Variants in NDUFAF7 observed in about 807,000 individuals in gnomAD.
NDUFAF7 encodes NADH:ubiquinone oxidoreductase complex assembly factor 7, also known as protein arginine methyltransferase NDUFAF7, mitochondrial.
NDUFAF7 carries 48 observed loss-of-function variants against 47.2 expected under a neutral mutation model. The ratio of observed to expected loss-of-function variants is 1.02; its 90% CI spans 0.81 to 1.29. The LOEUF (loss-of-function observed/expected upper bound fraction) is 1.29, where lower values mean the gene tolerates loss of function less well. Ranked by LOEUF, NDUFAF7 falls within the 50% of genes most tolerant of loss-of-function variation. The pLI is 0.00. For synonymous variants in NDUFAF7, 217 were observed against 190.0 expected, an observed-to-expected ratio of 1.14 and a Z score of -1.17; for missense variants, 635 against 537.6, an observed-to-expected ratio of 1.18 and a Z score of -1.79.
the NDUFAF7 span, chr2:37,269,646 A>T: frequency 6.4e-5 from 103 of 1,613,222 alleles, no homozygotes; most frequent in Non-Finnish European, 8.3e-5. Flanking sequence ...GGCCTGAACC[A>T]AGCACCTCAT....
chr2:37,270,366 A>AAC, the NDUFAF7 span, among the ~76,000 whole-genome samples: 29 of 151,758 alleles, frequency 1.9e-4, no homozygotes, highest in African/African-American at 6.8e-4. Context: ...AAAAAAAAAA[A>AAC]AACTCAAAAG....
the NDUFAF7 span, chr2:37,267,580 G>C: frequency 7.4e-7 from 1 of 1,351,812 alleles, no homozygotes; most frequent in South Asian, 1.2e-5. Flanking sequence ...CAAACTGACA[G>C]CTTTATTAGG....
At chr2:37,269,533 T>C in the NDUFAF7 span, 4 of 1,257,794 alleles carry the variant, frequency 3.2e-6, no homozygotes, top group African/African-American at 1.5e-5. Context: ...AACTATGAGA[T>C]GACAAAACAG....
chr2:37,257,671 GAAAAAAAAAAA>G (rs1164110574), downstream of NDUFAF7, among the ~76,000 whole-genome samples: 1 of 28,542 alleles, frequency 3.5e-5, no homozygotes, highest in South Asian at 1.1e-3. Context: ...TGTCTCAAAA[GAAAAAAAAAAA>G]AAAAAAAAAA....
At chr2:37,240,420 A>T (rs1465480175) in intron 4 of NDUFAF7, among the ~76,000 whole-genome samples, 1 of 151,752 alleles carries the variant, frequency 6.6e-6, no homozygotes, top group African/African-American at 2.4e-5. Context: ...AAACCAAAAA[A>T]CACCAACACA....
At chr2:37,259,566 T>G in the NDUFAF7 span, 2 of 1,583,334 alleles carry the variant, frequency 1.3e-6, no homozygotes, top group Non-Finnish European at 1.7e-6. Flanking sequence ...TTTAAAAGGT[T>G]CTGGAGAATA....
downstream of NDUFAF7, chr2:37,254,232 T>C (rs1330858981): frequency 6.2e-7 from 1 of 1,613,108 alleles, no homozygotes; most frequent in South Asian, 1.1e-5. Flanking sequence ...AAGAGATTTG[T>C]CAACACTGTA....
At chr2:37,254,170 A>G, downstream of NDUFAF7, 2 of 1,485,342 alleles carry the variant, frequency 1.3e-6, no homozygotes, top group African/African-American at 1.4e-5. Context: ...TACTCAAATG[A>G]GGATTGCCAA....
downstream of NDUFAF7, chr2:37,253,407 G>C: frequency 1.4e-6 from 2 of 1,472,112 alleles, no homozygotes; most frequent in Non-Finnish European, 1.8e-6. Context: ...CTGTCAACCT[G>C]GTTTTTGTTT....
At chr2:37,257,041 A>AT, downstream of NDUFAF7, 1 of 1,141,894 alleles carries the variant, frequency 8.8e-7, no homozygotes, top group Non-Finnish European at 1.2e-6. Flanking sequence ...AGCTCTACTG[A>AT]TTATGAATAT....
At chr2:37,256,371 C>A (rs920983281), downstream of NDUFAF7, among the ~76,000 whole-genome samples, 1 of 152,054 alleles carries the variant, frequency 6.6e-6, no homozygotes, top group African/African-American at 2.4e-5. Flanking sequence ...TAGGAAGGAC[C>A]AGAAAAGAGT....
the NDUFAF7 span, chr2:37,269,342 T>C: frequency 5.0e-6 from 2 of 402,650 alleles, no homozygotes; most frequent in Non-Finnish European, 9.3e-6. Context: ...TCTCCCCCCC[T>C]GCCTCCGACA....
chr2:37,241,687 A>G lies in NDUFAF7; in HGVS notation c.518A>G (p.Lys173Arg). ...CAAGCATTGACACTGACTAAAGAGA[A>G]GGTCCCGTTAGAGCGAAATGCTGGA... ...EIQALTLTKEKVPLERNAGSP... is the reference protein window; with the variant it reads ...EIQALTLTKERVPLERNAGSP... The change falls in exon 5 of 10, where the codon AAG (lysine) becomes AGG (arginine). Residue 173 changes from lysine (K) to arginine (R), a missense_variant. By Grantham distance (26) the Lys-to-Arg change is conservative (BLOSUM62 2). Coordinates refer to ENST00000002125, the MANE Select transcript of NDUFAF7 (RefSeq NM_144736.5). 6.2e-7 allele frequency: 1 copy of G among 1,614,126 alleles called. No individual in the cohort carries two copies. Among genetic ancestry groups the G allele is most frequent in the African/African-American group, 1.3e-5 (1 of 75,050 alleles).
chr2:37,250,132 T>A (rs1667361257), downstream of NDUFAF7, among the ~76,000 whole-genome samples: 2 of 151,998 alleles, frequency 1.3e-5, no homozygotes, highest in African/African-American at 2.4e-5. Flanking sequence ...ACCTAAAAGA[T>A]TAGACACCCC....
chr2:37,246,241 A>T (rs755122099), intron 8 of NDUFAF7, 46 bp downstream of exon 8: 1 of 1,603,626 alleles, frequency 6.2e-7, no homozygotes, highest in East Asian at 2.2e-5. Context: ...TCAGTGTTAG[A>T]TCTGAAGCCC....
chr2:37,262,505 A>G, the NDUFAF7 span, among the ~76,000 whole-genome samples: 1 of 152,256 alleles, frequency 6.6e-6, no homozygotes, highest in African/African-American at 2.4e-5. Flanking sequence ...TTTTCCAAGC[A>G]GCAAAATACA....
chr2:37,247,735 C>A, intron 9 of NDUFAF7, 106 bp downstream of exon 9: 1 of 1,304,322 alleles, frequency 7.7e-7, no homozygotes, highest in Non-Finnish European at 1.1e-6. Flanking sequence ...GTTAGCCAAT[C>A]CTTGGTATTC....
chr2:37,237,063 C>T (rs1245863510), intron 3 of NDUFAF7, among the ~76,000 whole-genome samples: 1 of 152,024 alleles, frequency 6.6e-6, no homozygotes, highest in Admixed American at 6.6e-5. Flanking sequence ...CTCTGCTTCC[C>T]GGGTTCAAGC....
the NDUFAF7 span, chr2:37,260,405 A>G: frequency 3.1e-6 from 5 of 1,591,322 alleles, no homozygotes; most frequent in Non-Finnish European, 3.4e-6. Flanking sequence ...GTTGCAAGAT[A>G]CATGAGCAAC....
Sources: allele counts gnomAD v4.1 joint callset (sites outside exome capture counted in the v4.1 genomes callset), GRCh38; gene constraint gnomAD v4.1.1; transcripts MANE v1.5; gene names NCBI Gene and HGNC (gene_info 2026-07-23, HGNC 2026-07-21).